Variants in MSN observed in about 807,000 individuals in gnomAD.
MSN encodes moesin.
A neutral mutation model predicts 48.0 loss-of-function variants in MSN; 2 were observed. That is an observed-to-expected ratio of 0.04 (90% CI 0.02 to 0.13). The LOEUF is 0.13. Among genes scored for constraint, MSN ranks in the 10% least tolerant of loss-of-function variants. MSN has a pLI of 1.00. For synonymous variants in MSN, 146 were observed against 166.9 expected, an observed-to-expected ratio of 0.87 and a Z score of 0.97; for missense variants, 267 against 470.1, an observed-to-expected ratio of 0.57 and a Z score of 3.99.
At chrX:65,679,480 T>A (rs184325988) in intron 1 of MSN, among the ~76,000 whole-genome samples, 55 of 111,750 alleles carry the variant, frequency 4.9e-4, no homozygotes, top group Admixed American at 5.7e-4. Flanking sequence ...GAATTTCTAG[T>A]CAGGAAGATT....
intron 1 of MSN, among the ~76,000 whole-genome samples, chrX:65,679,673 A>G (rs751232623): frequency 1.8e-5 from 2 of 112,467 alleles, no homozygotes; most frequent in East Asian, 5.6e-4. Flanking sequence ...GTTTTTACCC[A>G]TCCTCTACTT....
intron 1 of MSN, among the ~76,000 whole-genome samples, chrX:65,684,706 G>A (rs909426647): frequency 8.9e-6 from 1 of 111,857 alleles, no homozygotes; most frequent in Non-Finnish European, 1.9e-5. Flanking sequence ...CCAAAGTGCT[G>A]GGATTATAAG....
chrX:65,739,486 G>C (rs752563544), intron 12 of MSN, among the ~76,000 whole-genome samples: 1 of 111,548 alleles, frequency 9.0e-6, no homozygotes, highest in South Asian at 3.8e-4. Context: ...TGAATCTTTT[G>C]TATGTTGTTC....
At chrX:65,630,280 A>G (rs2070545815) in intron 1 of MSN, among the ~76,000 whole-genome samples, 1 of 111,712 alleles carries the variant, frequency 9.0e-6, no homozygotes, top group Non-Finnish European at 1.9e-5. Context: ...CACCCTAAAA[A>G]GAAACCCTAA....
intron 1 of MSN, among the ~76,000 whole-genome samples, chrX:65,684,856 A>G (rs1002106758): frequency 8.9e-6 from 1 of 112,597 alleles, no homozygotes; most frequent in Non-Finnish European, 1.9e-5. Context: ...CTCCTGTCTC[A>G]GCCCCCTGAG....
chrX:65,615,402 A>T (rs1423348415), intron 1 of MSN, among the ~76,000 whole-genome samples: 7 of 110,055 alleles, frequency 6.4e-5, no homozygotes, highest in Admixed American at 1.9e-4. Flanking sequence ...CCATTCTAAC[A>T]GGTGTGAGAT....
chrX:65,619,247 G>T (rs1396005369), intron 1 of MSN, among the ~76,000 whole-genome samples: 1 of 102,820 alleles, frequency 9.7e-6, no homozygotes, highest in African/African-American at 4.0e-5. Context: ...GAATCTGAAC[G>T]TTGGCCTGCC....
At chrX:65,607,243 C>T (rs778467354) in intron 1 of MSN, among the ~76,000 whole-genome samples, 26 of 112,038 alleles carry the variant, frequency 2.3e-4, no homozygotes, top group Non-Finnish European at 3.9e-4. Flanking sequence ...GACCACAAAG[C>T]TTGCCAGCTT....
At chrX:65,726,603 CTT>C (rs1333736368) in intron 2 of MSN, among the ~76,000 whole-genome samples, 5 of 110,239 alleles carry the variant, frequency 4.5e-5, no homozygotes, top group Admixed American at 9.7e-5. Flanking sequence ...GTATGTGTGT[CTT>C]TGTGAGTGAG....
intron 1 of MSN, chrX:65,589,070 T>C (rs2070122151): frequency 7.5e-6 from 1 of 133,191 alleles, no homozygotes; most frequent in Non-Finnish European, 1.5e-5. Flanking sequence ...TCCAGTCAGG[T>C]ACCTCCTACT....
intron 1 of MSN, among the ~76,000 whole-genome samples, chrX:65,660,907 C>G (rs1308947037): frequency 8.9e-6 from 1 of 111,786 alleles, no homozygotes; most frequent in Non-Finnish European, 1.9e-5. Flanking sequence ...TTCAGCTTTT[C>G]CCCATTCAGT....
intron 1 of MSN, among the ~76,000 whole-genome samples, chrX:65,612,903 T>G (rs980919293): frequency 9.2e-6 from 1 of 108,577 alleles, no homozygotes; most frequent in Non-Finnish European, 1.9e-5. Context: ...TATATATACT[T>G]TAAGTTCTGG....
intron 1 of MSN, among the ~76,000 whole-genome samples, chrX:65,715,345 T>G (rs1381106889): frequency 8.9e-6 from 1 of 112,126 alleles, no homozygotes; most frequent in Non-Finnish European, 1.9e-5. Context: ...TAGTTTTTCC[T>G]AGTTCTGTGA....
intron 1 of MSN, among the ~76,000 whole-genome samples, chrX:65,645,021 C>T (rs1426976966): frequency 8.9e-6 from 1 of 112,482 alleles, no homozygotes; most frequent in Admixed American, 9.4e-5. Context: ...AATCACTCTT[C>T]TAGCACAAAC....
intron 1 of MSN, among the ~76,000 whole-genome samples, chrX:65,627,623 G>C (rs1438951814): frequency 9.0e-6 from 1 of 110,833 alleles, no homozygotes; most frequent in East Asian, 2.9e-4. Flanking sequence ...TGAGATTTGG[G>C]TGGGGACACA....
At chrX:65,618,016 A>T (rs949615686) in intron 1 of MSN, among the ~76,000 whole-genome samples, 113 of 108,500 alleles carry the variant, frequency 1.0e-3, no homozygotes, top group African/African-American at 3.5e-3. Flanking sequence ...GTTGAGCGGT[A>T]TTGAGTGAGA....
At chrX:65,649,133 G>A (rs990703419) in intron 1 of MSN, among the ~76,000 whole-genome samples, 11 of 108,289 alleles carry the variant, frequency 1.0e-4, no homozygotes, top group Non-Finnish European at 2.1e-4. Context: ...ACTTCAGCAG[G>A]GAGAAGAAGG....
intron 1 of MSN, among the ~76,000 whole-genome samples, chrX:65,684,530 C>G (rs1271439735): frequency 1.8e-5 from 2 of 109,437 alleles, no homozygotes; most frequent in Admixed American, 9.7e-5. Flanking sequence ...CCTCTGCCTC[C>G]CGGGTTCAAG....
intron 1 of MSN, among the ~76,000 whole-genome samples, chrX:65,695,741 T>C (rs1280120737): frequency 9.0e-6 from 1 of 110,653 alleles, no homozygotes; most frequent in Non-Finnish European, 1.9e-5. Context: ...TCTCTGATTG[T>C]GGCCCATCTC....
Sources: allele counts gnomAD v4.1 joint callset (sites outside exome capture counted in the v4.1 genomes callset), GRCh38; gene constraint gnomAD v4.1.1; transcripts MANE v1.5; gene names NCBI Gene and HGNC (gene_info 2026-07-23, HGNC 2026-07-21).